PIBF1: variants seen among roughly 807,000 people sequenced by gnomAD.
PIBF1 encodes progesterone-induced-blocking factor 1.
Under a neutral mutation model 112.5 loss-of-function variants are expected in PIBF1, and 90 were observed. That is an observed-to-expected ratio of 0.80 (90% CI 0.67 to 0.95). The LOEUF (loss-of-function observed/expected upper bound fraction) is 0.95. PIBF1 is among the 40% of genes least tolerant of loss of function. The probability of loss-of-function intolerance (pLI) is 0.00; values close to 1 mark genes in which losing one functional copy is unlikely to be tolerated. For missense variants in PIBF1, 915 were observed against 852.3 expected (o/e 1.07, Z -0.92); for synonymous variants, 301 against 288.6 (o/e 1.04, Z -0.44).
chr13:72,965,950 A>C (rs1041855729), intron 15 of PIBF1, among the ~76,000 whole-genome samples: 4 of 152,188 alleles, frequency 2.6e-5, no homozygotes, highest in Non-Finnish European at 4.4e-5. Flanking sequence ...TCCAAAAAAA[A>C]TTTGCTATGA....
chr13:73,007,831 A>G (rs1167349285), intron 17 of PIBF1, among the ~76,000 whole-genome samples: 1 of 151,664 alleles, frequency 6.6e-6, no homozygotes, highest in Admixed American at 6.6e-5. Context: ...AAAAAATGTC[A>G]AAACCATTCT....
intron 4 of PIBF1, 21 bp from the exon 5 acceptor site, chr13:72,797,886 A>G (rs776839194): frequency 6.4e-6 from 10 of 1,567,258 alleles, no homozygotes; most frequent in Non-Finnish European, 5.2e-6. Flanking sequence ...AAGACTGCTT[A>G]TTAATTTAAT....
chr13:72,962,077 ATTG>A (rs1277366708), intron 14 of PIBF1, among the ~76,000 whole-genome samples: 5 of 152,144 alleles, frequency 3.3e-5, no homozygotes, highest in Non-Finnish European at 7.4e-5. Context: ...ATTTTTATAT[ATTG>A]TTTATACTGA....
At chr13:72,938,058 T>G (rs1468784340) in intron 14 of PIBF1, among the ~76,000 whole-genome samples, 1 of 152,178 alleles carries the variant, frequency 6.6e-6, no homozygotes, top group African/African-American at 2.4e-5. Context: ...CTATTTTGCC[T>G]ATTTTTAGTT....
Position 73,010,805 on chromosome 13 carries a change from C to CTTCTCTTTTTTTTTT in PIBF1, c.2224-5062_2224-5061insCTCTTTTTTTTTTTT, listed in dbSNP as rs1396150238. Among the ~76,000 whole-genome samples the CTTCTCTTTTTTTTTT allele has an allele frequency of 3.8e-5, 2 of 52,594 alleles. 1 individual carries two copies. 34.5% of individuals were successfully genotyped at this position (52,594 alleles called of 152,430 possible). On this transcript the variant is annotated intron_variant, in intron 17 of 17. Coordinates refer to ENST00000326291, the MANE Select transcript of PIBF1 (RefSeq NM_006346.4). ...AAAAGCTGAGCTGGAAAATCATTAA[C>CTTCTCTTTTTTTTTT]TTTTCTTTTTTTTTTTTTTTTTTTT...
intron 16 of PIBF1, among the ~76,000 whole-genome samples, chr13:72,998,424 G>A (rs1483818631): frequency 6.6e-6 from 1 of 151,130 alleles, no homozygotes; most frequent in African/African-American, 2.4e-5. Context: ...GCAGTGAGCC[G>A]AGACCACACC....
intron 11 of PIBF1, among the ~76,000 whole-genome samples, chr13:72,896,647 AAATGTTCTGGAAAGTCT>A (rs2040291553): frequency 6.6e-6 from 1 of 152,220 alleles, no homozygotes; most frequent in Non-Finnish European, 1.5e-5. Flanking sequence ...TAAAAATGCG[AAATGTTCTGGAAAGTCT>A]CAGCAATAGA....
At chr13:72,822,617 T>G (rs1280348384) in intron 6 of PIBF1, among the ~76,000 whole-genome samples, 3 of 152,188 alleles carry the variant, frequency 2.0e-5, no homozygotes, top group Non-Finnish European at 2.9e-5. Context: ...GTACTGCATA[T>G]GTAATATAAA....
chr13:72,783,800 A>G (rs1202517723), intron 2 of PIBF1, 79 bp downstream of exon 2: 1 of 1,216,180 alleles, frequency 8.2e-7, no homozygotes, highest in Non-Finnish European at 1.2e-6. Flanking sequence ...AAATACACAC[A>G]TTATCTGAAC....
intron 5 of PIBF1, among the ~76,000 whole-genome samples, chr13:72,820,210 C>G (rs1001290482): frequency 1.3e-5 from 2 of 152,114 alleles, no homozygotes; most frequent in South Asian, 2.1e-4. Flanking sequence ...GGTAAACTAA[C>G]GTGCACAGAG....
intron 9 of PIBF1, among the ~76,000 whole-genome samples, chr13:72,836,432 C>G (rs750148646): frequency 1.9e-4 from 29 of 152,008 alleles, no homozygotes; most frequent in Non-Finnish European, 3.7e-4. Flanking sequence ...AATATAGTAG[C>G]AGAAAATTTG....
At chr13:72,923,583 T>G (rs926923712) in intron 13 of PIBF1, among the ~76,000 whole-genome samples, 1 of 152,224 alleles carries the variant, frequency 6.6e-6, no homozygotes. Flanking sequence ...AAGCATTGCT[T>G]TCTTGAGAAA....
At chr13:72,813,051 C>T (rs1437424222) in intron 5 of PIBF1, among the ~76,000 whole-genome samples, 1 of 152,242 alleles carries the variant, frequency 6.6e-6, no homozygotes, top group East Asian at 1.9e-4. Context: ...TCATGCATCA[C>T]TGTATGAATA....
intron 5 of PIBF1, among the ~76,000 whole-genome samples, chr13:72,803,390 A>G (rs2138013557): frequency 6.6e-6 from 1 of 152,136 alleles, no homozygotes; most frequent in East Asian, 1.9e-4. Context: ...CAGTGTAGGT[A>G]GTACTGTTGG....
At chr13:72,999,504 T>C (rs1487087135) in intron 17 of PIBF1, among the ~76,000 whole-genome samples, 1 of 152,188 alleles carries the variant, frequency 6.6e-6, no homozygotes, top group Non-Finnish European at 1.5e-5. Flanking sequence ...CTTTCATTTC[T>C]CAGGAGAAAC....
At chr13:72,961,366 G>A (rs1348546140) in intron 14 of PIBF1, among the ~76,000 whole-genome samples, 1 of 151,994 alleles carries the variant, frequency 6.6e-6, no homozygotes, top group Non-Finnish European at 1.5e-5. Flanking sequence ...TTATTAAAAT[G>A]AGTGGAAAAC....
intron 14 of PIBF1, among the ~76,000 whole-genome samples, chr13:72,964,357 A>G (rs1367766294): frequency 1.3e-5 from 2 of 152,198 alleles, no homozygotes; most frequent in African/African-American, 4.8e-5. Flanking sequence ...GTTTTTGTTT[A>G]ATGGGTACAG....
intron 15 of PIBF1, among the ~76,000 whole-genome samples, chr13:72,967,662 A>T (rs1008895863): frequency 6.6e-6 from 1 of 152,226 alleles, no homozygotes; most frequent in African/African-American, 2.4e-5. Context: ...CATAGTGATT[A>T]AAAGTAGCAC....
chr13:72,834,178 A>G (rs573731583), intron 8 of PIBF1, among the ~76,000 whole-genome samples: 14 of 152,214 alleles, frequency 9.2e-5, no homozygotes, highest in Non-Finnish European at 2.1e-4. Flanking sequence ...AAGAATTATG[A>G]GGAGATGGTA....
Sources: gnomAD v4.1 joint callset for allele counts (sites outside exome capture counted in the v4.1 genomes callset) on GRCh38, gnomAD v4.1.1 for gene constraint, MANE v1.5 for transcripts, NCBI Gene and HGNC (gene_info 2026-07-23, HGNC 2026-07-21) for gene names.